The following SLC1A3 variants were observed in gnomAD, a reference collection of about 807,000 sequenced individuals.
SLC1A3 encodes solute carrier family 1 member 3.
Under a neutral mutation model 48.1 loss-of-function variants are expected in SLC1A3, and 21 were observed. That is an observed-to-expected ratio of 0.44 (90% CI 0.31 to 0.63). The LOEUF (loss-of-function observed/expected upper bound fraction) is 0.63. SLC1A3 is among the 20% of genes least tolerant of loss of function. SLC1A3 has a pLI of 0.08. For synonymous variants in SLC1A3, 239 were observed against 251.4 expected (o/e 0.95, Z 0.47); for missense variants, 546 against 689.0 (o/e 0.79, Z 2.32).
Position 36,608,508 on chromosome 5 carries a change from G to T in SLC1A3, c.85G>T (p.Ala29Ser). Residue 29 changes from alanine (A) to serine (S), a missense_variant, in exon 2 of 10, where the codon GCC (alanine) becomes TCC (serine). By Grantham distance (99) the Ala-to-Ser change is moderately conservative (BLOSUM62 1). Transcript: ENST00000265113. ...QQGVRKRTLLAKKKVQNITKE... is the reference protein window; with the variant it reads ...QQGVRKRTLLSKKKVQNITKE... ...GGGAGTCCGTAAACGCACACTTTTG[G>T]CCAAGAAGAAAGTGCAGAACATTAC... The T allele has an allele frequency of 1.2e-6, 2 of 1,613,980 alleles. No homozygotes were observed. Among genetic ancestry groups the T allele is most frequent in the Non-Finnish European group, 1.7e-6 (2 of 1,179,882 alleles).
chr5:36,645,839 T>C (rs890086195), intron 3 of SLC1A3, among the ~76,000 whole-genome samples: 2 of 152,222 alleles, frequency 1.3e-5, no homozygotes, highest in African/African-American at 4.8e-5. Context: ...GGGTTAATGT[T>C]TTCTTCTATC....
At position 36,679,584 on chromosome 5, in the gene SLC1A3, G is replaced by C. The variant is rs1742349888; in HGVS notation, c.861-43G>C. 4 of 1,414,288 alleles carry C rather than the reference G, an allele frequency of 2.8e-6. No homozygotes were observed. The African/African-American group carries it at 4.2e-5, about 15-fold the overall frequency. 87.6% of individuals were successfully genotyped at this position (1,414,288 alleles called of 1,614,324 possible). A position where few individuals can be genotyped will look rare whatever the true frequency, so the allele number is the denominator to read the frequency against. ...TTGGAAATTTCTGTGGACTAGCTTG[G>C]TGGAAACCAGACTCCAACCGTGCTG... On this transcript the variant is annotated intron_variant, in intron 6 of 9. Transcript: ENST00000265113.
chr5:36,669,472 T>C (rs1441901696), intron 3 of SLC1A3: 1 of 152,118 alleles, frequency 6.6e-6, no homozygotes, highest in East Asian at 1.9e-4. Context: ...TGCAGTTGGT[T>C]TTCTCAGAGG....
intron 3 of SLC1A3, among the ~76,000 whole-genome samples, chr5:36,661,722 A>G (rs1580009276): frequency 6.6e-6 from 1 of 152,204 alleles, no homozygotes; most frequent in Non-Finnish European, 1.5e-5. Flanking sequence ...CTGGTCTTTA[A>G]CATTCATATA....
intron 1 of SLC1A3, among the ~76,000 whole-genome samples, chr5:36,597,442 C>T (rs1452962622): frequency 6.6e-6 from 1 of 151,722 alleles, no homozygotes; most frequent in Admixed American, 6.6e-5. Context: ...CGGGGTTTCA[C>T]CATATTAGCC....
At chr5:36,612,145 C>T (rs1460525996) in intron 2 of SLC1A3, among the ~76,000 whole-genome samples, 12 of 151,992 alleles carry the variant, frequency 7.9e-5, no homozygotes, top group Non-Finnish European at 1.5e-4. Context: ...TCTCCTTGCA[C>T]AGTTCACATT....
rs762529110 is a variant in SLC1A3, at chr5:36,629,407, A to C, written c.182-43A>C. On this transcript the variant is annotated intron_variant, in intron 2 of 9. Coordinates refer to ENST00000265113, the MANE Select transcript of SLC1A3 (RefSeq NM_004172.5). Reference sequence around the variant, plus strand: ...TAGGGCTGTTCCTTCTGTTTCAAAAAAGACTCAATTTTTCTTTTTCTTTTT... The same window carrying C: ...TAGGGCTGTTCCTTCTGTTTCAAAACAGACTCAATTTTTCTTTTTCTTTTT... The C allele has an allele frequency of 1.2e-5, 19 of 1,575,430 alleles. No homozygotes were observed. The South Asian group carries it at 2.0e-4, about 17-fold the overall frequency.
In SLC1A3 at chr5:36,663,680, GT is replaced by G. The variant is rs1159647073; in HGVS notation, c.320-7345del. 2.0e-5 allele frequency among the ~76,000 whole-genome samples: 3 copies of G among 152,300 alleles called. No individual in the cohort carries two copies. The East Asian group carries it at 5.8e-4, about 29-fold the overall frequency. ...GGCAAATCTGTAAGGAACACTTGGT[GT>G]TTTCATGTAATGTAATCTTATAAGG... is the stretch of plus-strand genomic sequence containing the variant. On this transcript the variant is annotated intron_variant, in intron 3 of 9. Transcript: ENST00000265113.
intron 3 of SLC1A3, among the ~76,000 whole-genome samples, chr5:36,663,184 T>G (rs1741585239): frequency 6.6e-6 from 1 of 152,118 alleles, no homozygotes; most frequent in Admixed American, 6.5e-5. Flanking sequence ...GTTTCTCTTT[T>G]GCTTTTCTAC....
At chr5:36,625,284 C>T (rs1486085849) in intron 2 of SLC1A3, among the ~76,000 whole-genome samples, 4 of 152,122 alleles carry the variant, frequency 2.6e-5, no homozygotes, top group African/African-American at 9.7e-5. Flanking sequence ...ATGGCAGAAC[C>T]CCATCTCTAC....
At chr5:36,647,964 G>C (rs1423286176) in intron 3 of SLC1A3, among the ~76,000 whole-genome samples, 1 of 152,114 alleles carries the variant, frequency 6.6e-6, no homozygotes, top group Admixed American at 6.5e-5. Context: ...AAAATCAGCT[G>C]TAAGTGTATG....
chr5:36,663,380 A>ATTTTTTTTTTTTTTTTTTT (rs1156283585), intron 3 of SLC1A3, among the ~76,000 whole-genome samples: 433 of 69,340 alleles, frequency 6.2e-3, no homozygotes, highest in African/African-American at 8.8e-3. Context: ...CACGCCCGGC[A>ATTTTTTTTTTTTTTTTTTT]TTTTTTTTTT....
At chr5:36,667,261 G>A (rs1320697628) in intron 3 of SLC1A3, among the ~76,000 whole-genome samples, 5 of 152,188 alleles carry the variant, frequency 3.3e-5, no homozygotes, top group Admixed American at 6.5e-5. Flanking sequence ...TAGTCCTTCT[G>A]GTGACCAGTG....
intron 3 of SLC1A3, among the ~76,000 whole-genome samples, chr5:36,651,771 T>C (rs939932557): frequency 6.6e-6 from 1 of 152,104 alleles, no homozygotes; most frequent in Non-Finnish European, 1.5e-5. Flanking sequence ...TCTCCATCCC[T>C]GGGGACAGAC....
intron 6 of SLC1A3, among the ~76,000 whole-genome samples, chr5:36,678,877 T>C (rs1742320516): frequency 1.3e-5 from 2 of 152,214 alleles, no homozygotes; most frequent in Non-Finnish European, 2.9e-5. Context: ...ATGCACATTA[T>C]TAAGTTTAAT....
chr5:36,614,572 G>T (rs190572504), intron 2 of SLC1A3, among the ~76,000 whole-genome samples: 3 of 152,308 alleles, frequency 2.0e-5, no homozygotes, highest in African/African-American at 7.2e-5. Flanking sequence ...CGTTATCACA[G>T]CAGACTACTT....
At chr5:36,648,163 T>C (rs1579993970) in intron 3 of SLC1A3, among the ~76,000 whole-genome samples, 1 of 152,308 alleles carries the variant, frequency 6.6e-6, no homozygotes, top group East Asian at 1.9e-4. Flanking sequence ...ACCTTGCCAT[T>C]ATTAAGAGTT....
At chr5:36,680,881 A>T (rs1275333002) in intron 8 of SLC1A3, among the ~76,000 whole-genome samples, 1 of 149,350 alleles carries the variant, frequency 6.7e-6, no homozygotes, top group African/African-American at 2.5e-5. Flanking sequence ...ATGCCACTGC[A>T]CTCCAGCCTG....
At chr5:36,660,132 T>C (rs951608033) in intron 3 of SLC1A3, among the ~76,000 whole-genome samples, 4 of 152,222 alleles carry the variant, frequency 2.6e-5, no homozygotes, top group Admixed American at 1.3e-4. Context: ...CTACCAATTG[T>C]GTTTGTTCCA....
Sources: allele counts gnomAD v4.1 joint callset (sites outside exome capture counted in the v4.1 genomes callset), GRCh38; gene constraint gnomAD v4.1.1; transcripts MANE v1.5; gene names NCBI Gene and HGNC (gene_info 2026-07-23, HGNC 2026-07-21).